POMT2: variants seen among roughly 807,000 people sequenced by gnomAD.
POMT2 encodes the protein protein O-mannosyl-transferase 2.
POMT2 carries 75 observed loss-of-function variants against 100.0 expected under a neutral mutation model. That is an observed-to-expected ratio of 0.75 (90% CI 0.62 to 0.91). POMT2 has a LOEUF of 0.91. POMT2 is among the 40% of genes least tolerant of loss of function. The pLI is 0.00. For missense variants in POMT2, 940 were observed against 955.1 expected, an observed-to-expected ratio of 0.98 and a Z score of 0.21; for synonymous variants, 378 against 374.1, an observed-to-expected ratio of 1.01 and a Z score of -0.12.
At chr14:77,284,426 T>C (rs1456861505) in intron 14 of POMT2, 1 of 208,060 alleles carries the variant, frequency 4.8e-6, no homozygotes, top group African/African-American at 2.3e-5. Context: ...ACACATAAGC[T>C]TGAGGTGGGT....
intron 6 of POMT2, 77 bp from the exon 7 acceptor site, chr14:77,299,638 A>G: frequency 9.7e-7 from 1 of 1,030,288 alleles, no homozygotes; most frequent in Admixed American, 1.7e-5. Flanking sequence ...TGCATTATAT[A>G]TAGCTTTTAA....
intron 14 of POMT2, 29 bp downstream of exon 14, chr14:77,284,921 G>C: frequency 6.4e-7 from 1 of 1,552,074 alleles, no homozygotes; most frequent in Non-Finnish European, 8.9e-7. Context: ...CTTCCCTCCA[G>C]AGCCAGCCCA....
intron 1 of POMT2, among the ~76,000 whole-genome samples, chr14:77,315,596 C>G (rs189729650): frequency 9.2e-5 from 14 of 152,262 alleles, no homozygotes; most frequent in African/African-American, 3.4e-4. Context: ...CCATAAGTGT[C>G]GAAGAGGATT....
chr14:77,280,185 C>T (rs928825862), intron 16 of POMT2, 105 bp from the exon 17 acceptor site: 125 of 1,594,782 alleles, frequency 7.8e-5, no homozygotes, highest in Admixed American at 1.6e-4. Flanking sequence ...AGCCTGGACA[C>T]GAACCTCAGG....
chr14:77,292,970 C>T (rs1165082078), intron 9 of POMT2, among the ~76,000 whole-genome samples: 1 of 152,126 alleles, frequency 6.6e-6, no homozygotes, highest in Non-Finnish European at 1.5e-5. Flanking sequence ...GAAGGTATCC[C>T]CCCGATGCAT....
intron 2 of POMT2, among the ~76,000 whole-genome samples, chr14:77,307,858 C>CCT (rs1891279931): frequency 9.9e-6 from 1 of 101,226 alleles, no homozygotes; most frequent in Non-Finnish European, 1.9e-5. Flanking sequence ...TTAATTTCTT[C>CCT]TTTTTTTTTT....
At chr14:77,291,289 A>G (rs1164842531) in intron 10 of POMT2, 25 bp downstream of exon 10, 1 of 1,606,130 alleles carries the variant, frequency 6.2e-7, no homozygotes, top group Non-Finnish European at 8.5e-7. Context: ...ACAGCACAAG[A>G]AGCATCAGTC....
chr14:77,312,817 T>C (rs1471376581), intron 1 of POMT2, among the ~76,000 whole-genome samples: 2 of 152,226 alleles, frequency 1.3e-5, no homozygotes, highest in East Asian at 3.8e-4. Context: ...CTATAAACCA[T>C]GAGTGTCACA....
rs190617256 is a variant in POMT2, at chr14:77,308,647, C to T, written c.334-2206G>A. 1.1e-4 allele frequency: 39 copies of T among 365,552 alleles called. No individual in the cohort carries two copies. The East Asian group carries it at 3.1e-3, about 29-fold the overall frequency. 22.6% of individuals were successfully genotyped at this position (365,552 alleles called of 1,614,324 possible). On this transcript the variant is annotated intron_variant, in intron 2 of 20. Transcript: ENST00000261534. ...CTGGGATTACAGGCGTGAGCCACCG[C>T]GCCCGGCCAACAAAGTTTTTAAAGT...
Position 77,291,383 on chromosome 14 carries a change from G to T in POMT2, c.1117-3C>A, listed in dbSNP as rs746471365. On this transcript the variant is annotated splice_region_variant and splice_polypyrimidine_tract_variant and intron_variant, in intron 9 of 20. Coordinates refer to ENST00000261534, the MANE Select transcript of POMT2 (RefSeq NM_013382.7). ...TCCTTGTGCAAATAGGTGGTGACCT[G>T]GGTGGGGGGTGGGGGCGGAGGGAAG... 4.3e-6 allele frequency: 3 copies of T among 699,224 alleles called. No individual in the cohort carries two copies. The highest frequency in any genetic ancestry group is 1.4e-5 in the South Asian group (1 of 71,660). 43.3% of individuals were successfully genotyped at this position (699,224 alleles called of 1,614,324 possible).
chr14:77,306,905 A>C lies in POMT2; in HGVS notation c.334-464T>G, dbSNP rs1275568599. ...GAGCTACATACCAGGAATAGAGACA[A>C]GAGAAGAAAATCAGACAGAGGAATG... On this transcript the variant is annotated intron_variant, in intron 2 of 20. Transcript: ENST00000261534. 1.5e-5 allele frequency: 3 copies of C among 203,688 alleles called. No individual in the cohort carries two copies. The Admixed American group carries it at 1.6e-4, about 11-fold the overall frequency. The allele number at this position is 203,688 out of a possible 1,614,324, so 12.6% of individuals were successfully genotyped here. A position where few individuals can be genotyped will look rare whatever the true frequency, so the allele number is the denominator to read the frequency against.
rs1402804502 is a variant in POMT2, at chr14:77,276,233, G to A, written c.*1143C>T. The A allele has an allele frequency of 2.0e-5, 3 of 152,630 alleles. No individual in the cohort carries two copies. Among genetic ancestry groups the A allele is most frequent in the East Asian group, 3.9e-4 (2 of 5,192 alleles). The allele number at this position is 152,630 out of a possible 1,614,324, so 9.5% of individuals were successfully genotyped here. On this transcript the variant is annotated 3_prime_UTR_variant, in exon 21 of 21. Coordinates refer to ENST00000261534, the MANE Select transcript of POMT2 (RefSeq NM_013382.7). ...GAGCTTCTTGTTTGAGCTGCAGAGT[G>A]GTAGACGCAGGAAGCTGGCATGCAT...
chr14:77,283,751 C>A, intron 15 of POMT2, 46 bp downstream of exon 15: 1 of 1,501,438 alleles, frequency 6.7e-7, no homozygotes, highest in Non-Finnish European at 9.3e-7. Context: ...TTCATGGCTG[C>A]CCAAAAGCTC....
Position 77,284,947 on chromosome 14 carries a change from C to T in POMT2, c.1576+3G>A. The T allele has an allele frequency of 1.2e-6, 2 of 1,601,394 alleles. No homozygotes were observed. Among genetic ancestry groups the T allele is most frequent in the Non-Finnish European group, 8.6e-7 (1 of 1,168,432 alleles). On this transcript the variant is annotated splice_donor_region_variant and intron_variant, in intron 14 of 20. Transcript: ENST00000261534. The stretch of plus-strand genomic sequence containing the variant: ...AGCCAGCCCAGAAAGTGACCTCACT[C>T]ACACTTGGGATTGATATGGTCCTCC...
chr14:77,278,694 GCT>G, intron 19 of POMT2, 33 bp downstream of exon 19: 2 of 1,613,132 alleles, frequency 1.2e-6, no homozygotes, highest in Non-Finnish European at 1.7e-6. Context: ...CCCTCCACCT[GCT>G]CTGTCTCCCA....
chr14:77,278,354 G>A (rs949780381), intron 20 of POMT2, 40 bp downstream of exon 20: 2 of 1,418,322 alleles, frequency 1.4e-6, no homozygotes, highest in Non-Finnish European at 1.9e-6. Context: ...GCACTGCTGA[G>A]CCCACACTGG....
At chr14:77,306,797 G>A in intron 2 of POMT2, 1 of 298,158 alleles carries the variant, frequency 3.4e-6, no homozygotes, top group South Asian at 3.2e-5. Flanking sequence ...GGCAGCTCTT[G>A]GACAGAGGCT....
chr14:77,298,114 C>T (rs1890892628), intron 8 of POMT2, among the ~76,000 whole-genome samples: 1 of 152,224 alleles, frequency 6.6e-6, no homozygotes, highest in Admixed American at 6.5e-5. Context: ...GATGCCCTCT[C>T]CTCTGTTGAA....
intron 2 of POMT2, among the ~76,000 whole-genome samples, chr14:77,309,941 G>A (rs1166040704): frequency 6.6e-6 from 1 of 152,140 alleles, no homozygotes; most frequent in African/African-American, 2.4e-5. Flanking sequence ...GCCTCCCAAA[G>A]TGCTGGGATT....
Sources: allele counts gnomAD v4.1 joint callset (sites outside exome capture counted in the v4.1 genomes callset), GRCh38; gene constraint gnomAD v4.1.1; transcripts MANE v1.5; gene names NCBI Gene and HGNC (gene_info 2026-07-23, HGNC 2026-07-21).